Variants in PRKCZ observed in about 807,000 individuals in gnomAD.
PRKCZ encodes the protein protein kinase C zeta type.
PRKCZ carries 33 observed loss-of-function variants against 79.5 expected under a neutral mutation model. The ratio of observed to expected loss-of-function variants is 0.41; its 90% CI spans 0.31 to 0.55. The LOEUF is 0.55. Ranked by LOEUF, PRKCZ falls within the 20% of genes least tolerant of loss-of-function variation. The pLI is 0.19. For missense variants in PRKCZ, 578 were observed against 813.5 expected (o/e 0.71, Z 3.52); for synonymous variants, 342 against 320.9 (o/e 1.07, Z -0.70).
At chr1:2,089,397 G>T (rs534401826) in intron 4 of PRKCZ, among the ~76,000 whole-genome samples, 1 of 152,156 alleles carries the variant, frequency 6.6e-6, no homozygotes, top group African/African-American at 2.4e-5. Flanking sequence ...CGGGGTCTGC[G>T]TTCATTTGCT....
intron 4 of PRKCZ, among the ~76,000 whole-genome samples, chr1:2,102,385 T>G (rs1174413727): frequency 2.0e-5 from 3 of 151,830 alleles, no homozygotes; most frequent in African/African-American, 4.8e-5. Context: ...CAGGCTGGAG[T>G]GCAGTGGTGC....
At chr1:2,120,874 C>T (rs1202443638) in intron 4 of PRKCZ, among the ~76,000 whole-genome samples, 2 of 141,354 alleles carry the variant, frequency 1.4e-5, no homozygotes, top group Non-Finnish European at 3.0e-5. Context: ...ATGGCAATGG[C>T]ACGCTCTCGG....
At chr1:2,148,350 C>G (rs981024931) in intron 7 of PRKCZ, among the ~76,000 whole-genome samples, 2 of 152,066 alleles carry the variant, frequency 1.3e-5, no homozygotes, top group African/African-American at 4.8e-5. Flanking sequence ...ATCCACTGTC[C>G]ACTGACCTCT....
At chr1:2,065,093 C>A (rs1331305263) in intron 4 of PRKCZ, among the ~76,000 whole-genome samples, 1 of 152,120 alleles carries the variant, frequency 6.6e-6, no homozygotes, top group Non-Finnish European at 1.5e-5. Flanking sequence ...ACGTTTTATT[C>A]TTTTTGATGC....
intron 6 of PRKCZ, chr1:2,144,664 T>A (rs1483894174): frequency 9.0e-7 from 1 of 1,113,998 alleles, no homozygotes; most frequent in Non-Finnish European, 1.1e-6. Flanking sequence ...TCTTAAGGAC[T>A]GTGGAGGTGA....
chr1:2,160,485 C>T (rs1682026676), intron 10 of PRKCZ, among the ~76,000 whole-genome samples: 1 of 152,106 alleles, frequency 6.6e-6, no homozygotes, highest in African/African-American at 2.4e-5. Context: ...GTGGGAAGGA[C>T]GAGGGCAATG....
rs1685782035 is a variant in PRKCZ, at chr1:2,177,879, A to C, written c.1575+2566A>C. Reference sequence around the variant, plus strand: ...GAGGCCTGCGAAGGGCTTGCCACCGACTGCCAGCCCTGCCTCTGCCACCGA... The same window carrying C: ...GAGGCCTGCGAAGGGCTTGCCACCGCCTGCCAGCCCTGCCTCTGCCACCGA... On this transcript the variant is annotated intron_variant, in intron 16 of 17. Transcript: ENST00000378567. This position sits in a 1 kb window ranked among gnomAD's most constrained non-coding sequence, Gnocchi z 6.4. 6.6e-6 allele frequency among the ~76,000 whole-genome samples: 1 copy of C among 151,784 alleles called. No homozygotes were observed. Among genetic ancestry groups the C allele is most frequent in the South Asian group, 2.1e-4 (1 of 4,796 alleles).
intron 16 of PRKCZ, among the ~76,000 whole-genome samples, chr1:2,175,857 G>T (rs1006504977): frequency 2.6e-5 from 4 of 152,106 alleles, no homozygotes; most frequent in East Asian, 1.9e-4. Context: ...GCTTGGTGCC[G>T]CCAGGAGCTA....
intron 2 of PRKCZ, chr1:2,055,968 C>T (rs1199811538): frequency 5.2e-6 from 1 of 192,206 alleles, no homozygotes; most frequent in Non-Finnish European, 1.1e-5. Context: ...CCTCCTGTCT[C>T]TTAGACACAT....
At chr1:2,080,995 C>T (rs1239316718) in intron 4 of PRKCZ, among the ~76,000 whole-genome samples, 3 of 152,176 alleles carry the variant, frequency 2.0e-5, no homozygotes, top group Non-Finnish European at 4.4e-5. Context: ...ACACCCTCCA[C>T]GCAGCCTGTC....
rs563137580 is a variant in PRKCZ, at chr1:2,182,678, G to T, written c.1576-1905G>T. ...TGGCTGGCACCGAAGGGAGCAGCGC[G>T]CCGTGACATCCTCCCCTCAAGCCTG... is the stretch of plus-strand genomic sequence containing the variant. On this transcript the variant is annotated intron_variant, in intron 16 of 17. Transcript: ENST00000378567. 8.4e-5 allele frequency: 13 copies of T among 154,864 alleles called. No individual in the cohort carries two copies. The South Asian group carries it at 1.6e-3, about 19-fold the overall frequency. The allele number at this position is 154,864 out of a possible 1,614,324, so 9.6% of individuals were successfully genotyped here.
intron 16 of PRKCZ, among the ~76,000 whole-genome samples, chr1:2,176,258 A>T (rs1025889772): frequency 6.6e-6 from 1 of 152,082 alleles, no homozygotes; most frequent in Non-Finnish European, 1.5e-5. Flanking sequence ...GAATGTCCCG[A>T]GGGGCTCTGC....
chr1:2,167,916 G>C (rs957132463), intron 10 of PRKCZ, among the ~76,000 whole-genome samples: 7 of 152,110 alleles, frequency 4.6e-5, no homozygotes, highest in African/African-American at 1.4e-4. Context: ...GCACTCTAAG[G>C]GTTTTGAATA....
At chr1:2,162,331 C>A (rs1489679482) in intron 10 of PRKCZ, among the ~76,000 whole-genome samples, 1 of 152,216 alleles carries the variant, frequency 6.6e-6, no homozygotes, top group Non-Finnish European at 1.5e-5. Context: ...GGGGTTTCAC[C>A]CTGTTGGCCA....
At chr1:2,121,328 G>A (rs1671841207) in intron 4 of PRKCZ, among the ~76,000 whole-genome samples, 1 of 152,182 alleles carries the variant, frequency 6.6e-6, no homozygotes, top group South Asian at 2.1e-4. Context: ...AACAAGGCGT[G>A]TACTTCCGGA....
intron 4 of PRKCZ, among the ~76,000 whole-genome samples, chr1:2,123,459 T>C: frequency 8.3e-5 from 1 of 12,034 alleles, no homozygotes; most frequent in Admixed American, 1.2e-3. Context: ...GTTAGGGTTG[T>C]GGTGGTTAGG....
chr1:2,128,408 G>A lies in PRKCZ; in HGVS notation c.335-6854G>A, dbSNP rs1007590312. Among the ~76,000 whole-genome samples the A allele has an allele frequency of 3.3e-5, 5 of 152,352 alleles. No individual in the cohort carries two copies. Among genetic ancestry groups the A allele is most frequent in the Non-Finnish European group, 4.4e-5 (3 of 68,028 alleles). On this transcript the variant is annotated intron_variant, in intron 4 of 17. Coordinates refer to ENST00000378567, the MANE Select transcript of PRKCZ (RefSeq NM_002744.6). This position sits in a 1 kb window ranked among gnomAD's most constrained non-coding sequence, Gnocchi z 6.5. ...ACCGCCACCGCACCCAAGGGCTGTC[G>A]CCTGTCCCAGCCTGCTGCTCCGAGT...
rs560456512 is a variant in PRKCZ at position 2,102,549 on chromosome 1, G to A, written c.335-32713G>A. The stretch of plus-strand genomic sequence containing the variant: ...GGGTTTCACTGTGTTAGCCGGGATG[G>A]TCTCGATCTCCTGACCTCGTGATCC... On this transcript the variant is annotated intron_variant, in intron 4 of 17. Transcript: ENST00000378567. Among the ~76,000 whole-genome samples the A allele has an allele frequency of 3.9e-5, 6 of 152,088 alleles. No homozygotes were observed. The South Asian group carries it at 8.3e-4, about 21-fold the overall frequency.
In PRKCZ at chr1:2,082,515, T is replaced by A. The variant is rs1557517175; in HGVS notation, c.334+22924T>A. 9.4e-6 allele frequency: 4 copies of A among 425,570 alleles called. No homozygotes were observed. The highest frequency in any genetic ancestry group is 1.9e-5 in the Non-Finnish European group (4 of 212,082). The allele number at this position is 425,570 out of a possible 1,614,324, so 26.4% of individuals were successfully genotyped here. ...GCGACCGGTTTTGTGATGTGGGCAG[T>A]GCCGTGCTGGTAAATGCTCTGTGAG... On this transcript the variant is annotated intron_variant, in intron 4 of 17. Coordinates refer to ENST00000378567, the MANE Select transcript of PRKCZ (RefSeq NM_002744.6). The surrounding 1 kb of genome is among the most constrained non-coding windows in gnomAD (Gnocchi z 4.4).
Sources: allele counts gnomAD v4.1 joint callset (sites outside exome capture counted in the v4.1 genomes callset), GRCh38; gene constraint gnomAD v4.1.1; non-coding constraint Gnocchi (gnomAD v3.1); transcripts MANE v1.5; gene names NCBI Gene and HGNC (gene_info 2026-07-23, HGNC 2026-07-21).